Variants in NAA35 observed in about 807,000 individuals in gnomAD.
NAA35 encodes the protein N-alpha-acetyltransferase 35, NatC auxiliary subunit.
Under a neutral mutation model 101.7 loss-of-function variants are expected in NAA35, and 18 were observed. The observed-to-expected ratio is 0.18, with a 90% CI of 0.12 to 0.26. The LOEUF (loss-of-function observed/expected upper bound fraction) is 0.26, where lower values mean the gene tolerates loss of function less well. Among genes scored for constraint, NAA35 ranks in the 10% least tolerant of loss-of-function variants. NAA35 has a pLI of 1.00. For missense variants in NAA35, 601 were observed against 886.8 expected (o/e 0.68, Z 4.09); for synonymous variants, 267 against 273.1 (o/e 0.98, Z 0.22).
intron 2 of NAA35, among the ~76,000 whole-genome samples, chr9:85,950,462 C>G (rs1316085957): frequency 6.6e-6 from 1 of 152,150 alleles, no homozygotes; most frequent in Non-Finnish European, 1.5e-5. Flanking sequence ...CCAGGCTGTT[C>G]TCGAACTCCT....
In NAA35 at chr9:86,021,981, A is replaced by AT; in HGVS notation, c.*22dup. Reference sequence around the variant, plus strand: ...TTTGAGAGAGACTGGGGAGGTGGCCATAAAGGGGCAGAGTCTTCTTTCAGA... The same window carrying AT: ...TTTGAGAGAGACTGGGGAGGTGGCCATTAAAGGGGCAGAGTCTTCTTTCAGA... On this transcript the variant is annotated 3_prime_UTR_variant, in exon 23 of 23. Coordinates refer to ENST00000361671, the MANE Select transcript of NAA35 (RefSeq NM_024635.4). The AT allele has an allele frequency of 6.2e-7, 1 of 1,602,708 alleles. No homozygotes were observed. The highest frequency in any genetic ancestry group is 8.5e-7 in the Non-Finnish European group (1 of 1,170,522).
chr9:85,970,844 A>T (rs1829970007), intron 6 of NAA35, among the ~76,000 whole-genome samples: 1 of 152,212 alleles, frequency 6.6e-6, no homozygotes, highest in Admixed American at 6.5e-5. Context: ...TTTTGTTTTT[A>T]GGAAATCACG....
chr9:85,988,254 C>T (rs1830734194), intron 11 of NAA35, among the ~76,000 whole-genome samples: 3 of 152,046 alleles, frequency 2.0e-5, no homozygotes, highest in Admixed American at 6.6e-5. Context: ...CACAAATATT[C>T]CAAGAAAAGA....
At chr9:86,010,536 CAT>C (rs1491296002) in intron 15 of NAA35, among the ~76,000 whole-genome samples, 1 of 144,742 alleles carries the variant, frequency 6.9e-6, no homozygotes, top group Non-Finnish European at 1.5e-5. Context: ...TGTGAATGGA[CAT>C]AAAAACTTTA....
intron 11 of NAA35, among the ~76,000 whole-genome samples, chr9:85,988,092 T>C (rs1000043012): frequency 1.3e-5 from 2 of 152,194 alleles, no homozygotes; most frequent in Non-Finnish European, 2.9e-5. Flanking sequence ...AAGAAACACA[T>C]GCACACGGGC....
intron 2 of NAA35, among the ~76,000 whole-genome samples, chr9:85,944,908 C>G (rs912254706): frequency 6.6e-6 from 1 of 152,206 alleles, no homozygotes; most frequent in Non-Finnish European, 1.5e-5. Context: ...AGTTTGAAAA[C>G]CACAGGTCGG....
intron 2 of NAA35, among the ~76,000 whole-genome samples, chr9:85,946,357 C>T (rs1828762404): frequency 6.6e-6 from 1 of 152,110 alleles, no homozygotes; most frequent in Admixed American, 6.6e-5. Context: ...TCTCAAACTC[C>T]TGGCCTTAAG....
intron 6 of NAA35, among the ~76,000 whole-genome samples, chr9:85,974,579 A>G (rs568456091): frequency 3.9e-5 from 6 of 152,296 alleles, no homozygotes; most frequent in East Asian, 3.9e-4. Context: ...AAGTAGTCTT[A>G]TCTAAATCTT....
chr9:85,959,299 C>G (rs1829407154), intron 4 of NAA35, among the ~76,000 whole-genome samples: 1 of 151,188 alleles, frequency 6.6e-6, no homozygotes, highest in South Asian at 2.1e-4. Flanking sequence ...TGGCGTGGAC[C>G]CGGGAGGCGG....
chr9:85,974,463 G>T (rs1276009243), intron 6 of NAA35, among the ~76,000 whole-genome samples: 1 of 152,126 alleles, frequency 6.6e-6, no homozygotes, highest in Non-Finnish European at 1.5e-5. Context: ...GAATGACTCA[G>T]TTTTTTTCCT....
At chr9:85,963,194 A>T (rs1230857568) in intron 6 of NAA35, among the ~76,000 whole-genome samples, 1 of 151,656 alleles carries the variant, frequency 6.6e-6, no homozygotes, top group Non-Finnish European at 1.5e-5. Flanking sequence ...AACTTTTCTC[A>T]ATTTATACTA....
chr9:86,001,096 CATT>C (rs1831401293), intron 12 of NAA35, among the ~76,000 whole-genome samples: 1 of 152,148 alleles, frequency 6.6e-6, no homozygotes. Flanking sequence ...TCTTTGTTCT[CATT>C]ATTTTCAAAG....
Position 85,950,617 on chromosome 9 carries a change from G to A in NAA35, c.125-5743G>A, listed in dbSNP as rs182881932. 1.3e-3 allele frequency among the ~76,000 whole-genome samples: 196 copies of A among 152,212 alleles called. 4 individuals are homozygous for A. The South Asian group carries it at 0.034, about 26-fold the overall frequency. On this transcript the variant is annotated intron_variant, in intron 2 of 22. Coordinates refer to ENST00000361671, the MANE Select transcript of NAA35 (RefSeq NM_024635.4). ...TTTTACAGATGAGGAAACCAAGGCC[G>A]AGAGTGTTTGACTTGCTTCTAGATC...
intron 4 of NAA35, among the ~76,000 whole-genome samples, chr9:85,959,048 A>G (rs1295247999): frequency 1.3e-5 from 2 of 152,170 alleles, no homozygotes; most frequent in South Asian, 2.1e-4. Flanking sequence ...TACAAATAGT[A>G]TAGTTAACCA....
chr9:85,992,018 C>T (rs1830935043), intron 11 of NAA35, among the ~76,000 whole-genome samples: 1 of 151,644 alleles, frequency 6.6e-6, no homozygotes, highest in Non-Finnish European at 1.5e-5. Context: ...ACTAAAACTA[C>T]AAAAAAACAG....
chr9:85,973,230 C>T lies in NAA35; in HGVS notation c.517-1737C>T, dbSNP rs770680012. ...AGGAAATAAAGTTGGCGAGGGAGAC[C>T]GGGCCATGTGATGTAGGGCCATAGA... is the stretch of plus-strand genomic sequence containing the variant. On this transcript the variant is annotated intron_variant, in intron 6 of 22. Coordinates refer to ENST00000361671, the MANE Select transcript of NAA35 (RefSeq NM_024635.4). Among the ~76,000 whole-genome samples, 9 of 152,086 alleles carry T rather than the reference C, an allele frequency of 5.9e-5. No individual in the cohort carries two copies. The South Asian group carries it at 6.2e-4, about 11-fold the overall frequency.
In NAA35 at chr9:85,992,856, A is replaced by G. The variant is rs550031835; in HGVS notation, c.878-3543A>G. Among the ~76,000 whole-genome samples the G allele has an allele frequency of 4.6e-5, 7 of 152,350 alleles. No homozygotes were observed. The South Asian group carries it at 1.2e-3, about 27-fold the overall frequency. On this transcript the variant is annotated intron_variant, in intron 11 of 22. Coordinates refer to ENST00000361671, the MANE Select transcript of NAA35 (RefSeq NM_024635.4). ...TAATTCTGATGGCTGTATTGTGATT[A>G]TGTAAGACTATGTCTTTGTAGGAAT... is the stretch of plus-strand genomic sequence containing the variant.
chr9:85,956,621 C>T (rs1829288168), intron 3 of NAA35, among the ~76,000 whole-genome samples: 1 of 152,084 alleles, frequency 6.6e-6, no homozygotes, highest in Non-Finnish European at 1.5e-5. Flanking sequence ...ATGGTCCTTT[C>T]CTTGAGAGCA....
chr9:85,950,097 A>G (rs1336002794), intron 2 of NAA35, among the ~76,000 whole-genome samples: 1 of 152,186 alleles, frequency 6.6e-6, no homozygotes, highest in Non-Finnish European at 1.5e-5. Flanking sequence ...TGGTTGGATA[A>G]GGCCCAATTT....
Sources: gnomAD v4.1 joint callset for allele counts (sites outside exome capture counted in the v4.1 genomes callset) on GRCh38, gnomAD v4.1.1 for gene constraint, MANE v1.5 for transcripts, NCBI Gene and HGNC (gene_info 2026-07-23, HGNC 2026-07-21) for gene names.